Variants in PTPN21 observed in about 807,000 individuals in gnomAD.
PTPN21 encodes the protein tyrosine-protein phosphatase non-receptor type 21.
Under a neutral mutation model 131.8 loss-of-function variants are expected in PTPN21, and 77 were observed. The ratio of observed to expected loss-of-function variants is 0.58; its 90% confidence interval spans 0.49 to 0.71. The LOEUF (loss-of-function observed/expected upper bound fraction) is 0.71. PTPN21 is among the 30% of genes least tolerant of loss of function. The pLI is 0.00. For synonymous variants in PTPN21, 715 were observed against 621.3 expected, an observed-to-expected ratio of 1.15 and a Z score of -2.24; for missense variants, 1,552 against 1,527.1, an observed-to-expected ratio of 1.02 and a Z score of -0.27.
At chr14:88,553,160 A>G (rs995866293) in intron 1 of PTPN21, among the ~76,000 whole-genome samples, 8 of 152,316 alleles carry the variant, frequency 5.3e-5, no homozygotes, top group African/African-American at 1.9e-4. Flanking sequence ...AAAACTTTCA[A>G]TTGTCCCTCA....
chr14:88,524,956 T>C (rs960234659), intron 2 of PTPN21, among the ~76,000 whole-genome samples: 3 of 151,670 alleles, frequency 2.0e-5, no homozygotes, highest in African/African-American at 4.8e-5. Context: ...AAAAAAACCA[T>C]ATCAGGCTAG....
At chr14:88,492,478 C>T (rs548295641) in intron 10 of PTPN21, among the ~76,000 whole-genome samples, 1 of 152,130 alleles carries the variant, frequency 6.6e-6, no homozygotes, top group Admixed American at 6.6e-5. Context: ...TCAGTGCTTA[C>T]GAAAATCCCA....
In PTPN21 at chr14:88,478,913, G is replaced by A; in HGVS notation, c.2511+7C>T. ...CCTGGCCCGGCACTGCTCGCCGCGT[G>A]GCTTACCCCTAGAGGCGGGAGCCCT... On this transcript the variant is annotated splice_region_variant and intron_variant, in intron 13 of 18. Transcript: ENST00000556564. The A allele has an allele frequency of 6.8e-7, 1 of 1,471,666 alleles. No individual in the cohort carries two copies. The highest frequency in any genetic ancestry group is 9.0e-7 in the Non-Finnish European group (1 of 1,112,648). 91.2% of individuals were successfully genotyped at this position (1,471,666 alleles called of 1,614,324 possible). A position where few individuals can be genotyped will look rare whatever the true frequency, so the allele number is the denominator to read the frequency against.
chr14:88,532,324 C>T (rs2078566327), intron 2 of PTPN21, among the ~76,000 whole-genome samples: 1 of 151,546 alleles, frequency 6.6e-6, no homozygotes, highest in African/African-American at 2.4e-5. Flanking sequence ...ATATTTTCAG[C>T]TCTATTTTAA....
At chr14:88,519,325 A>C (rs2078353430) in intron 2 of PTPN21, among the ~76,000 whole-genome samples, 1 of 152,238 alleles carries the variant, frequency 6.6e-6, no homozygotes, top group African/African-American at 2.4e-5. Flanking sequence ...ACTTAGTGTG[A>C]TGATGGAAAT....
At chr14:88,516,064 A>G (rs369348099) in intron 3 of PTPN21, among the ~76,000 whole-genome samples, 3 of 152,320 alleles carry the variant, frequency 2.0e-5, no homozygotes, top group East Asian at 3.9e-4. Context: ...GGTTCTTACT[A>G]TCTGCAAGGC....
intron 2 of PTPN21, among the ~76,000 whole-genome samples, chr14:88,541,646 G>T (rs1566852711): frequency 6.6e-6 from 1 of 152,190 alleles, no homozygotes; most frequent in Non-Finnish European, 1.5e-5. Flanking sequence ...CCTGAGAGGG[G>T]CTTTTTCCTT....
chr14:88,551,364 CCT>C (rs2078865545), intron 1 of PTPN21: 1 of 152,400 alleles, frequency 6.6e-6, no homozygotes, highest in African/African-American at 2.4e-5. Context: ...TCCACGCCAT[CCT>C]GAGTTAATGA....
chr14:88,496,298 G>C, intron 10 of PTPN21, 115 bp downstream of exon 10: 2 of 914,066 alleles, frequency 2.2e-6, no homozygotes, highest in Non-Finnish European at 3.4e-6. Flanking sequence ...AACAGCTATA[G>C]GATCAAGAAA....
intron 10 of PTPN21, among the ~76,000 whole-genome samples, chr14:88,495,576 C>T (rs1432011335): frequency 1.3e-5 from 2 of 152,176 alleles, no homozygotes; most frequent in Non-Finnish European, 2.9e-5. Context: ...AGGAGAATCA[C>T]TTGAACCGGG....
intron 2 of PTPN21, among the ~76,000 whole-genome samples, chr14:88,532,017 A>G (rs2078561174): frequency 6.6e-6 from 1 of 152,138 alleles, no homozygotes. Context: ...GATGGATAAA[A>G]TCCTGGAAAT....
At chr14:88,532,742 G>T (rs2078571946) in intron 2 of PTPN21, among the ~76,000 whole-genome samples, 1 of 152,100 alleles carries the variant, frequency 6.6e-6, no homozygotes, top group Non-Finnish European at 1.5e-5. Flanking sequence ...GCAGTAGAGG[G>T]AAGTGATGGG....
intron 2 of PTPN21, among the ~76,000 whole-genome samples, chr14:88,519,571 A>C (rs1020603963): frequency 1.3e-5 from 2 of 152,244 alleles, no homozygotes; most frequent in Non-Finnish European, 2.9e-5. Context: ...CAAGTAAAAA[A>C]TAAAACTTTA....
In PTPN21 at chr14:88,517,216, G is replaced by C; in HGVS notation, c.226C>G (p.Arg76Gly). The change falls in exon 3 of 19, where the codon CGG becomes GGG. Residue 76 changes from arginine to glycine, a missense_variant. By Grantham distance (125) the Arg-to-Gly change is moderately radical (BLOSUM62 -2). Around this residue, in one of 4 missense-constraint regions of PTPN21, gnomAD observed 206 missense variants for 221.6 expected, o/e 0.93. Coordinates refer to ENST00000556564, the MANE Select transcript of PTPN21 (RefSeq NM_007039.4). ...LWYYNKQNQRRWVDLEKPLKK... is the reference protein window; with the variant it reads ...LWYYNKQNQRGWVDLEKPLKK... Reference sequence around the variant, plus strand: ...AAAGGTTTTTCCAAATCTACCCACCGGCGCTGATTTTGCTTGTTGTAGTAC... The same window carrying C: ...AAAGGTTTTTCCAAATCTACCCACCCGCGCTGATTTTGCTTGTTGTAGTAC... 6.2e-7 allele frequency: 1 copy of C among 1,614,010 alleles called. No individual in the cohort carries two copies.
chr14:88,506,817 G>A (rs1036673774), intron 4 of PTPN21, among the ~76,000 whole-genome samples: 1 of 152,040 alleles, frequency 6.6e-6, no homozygotes, highest in Non-Finnish European at 1.5e-5. Flanking sequence ...TGAGGCAGGT[G>A]GATCACCTGA....
chr14:88,473,607 C>G, intron 14 of PTPN21, 58 bp downstream of exon 14: 1 of 1,551,808 alleles, frequency 6.4e-7, no homozygotes, highest in Admixed American at 2.2e-5. Flanking sequence ...AAGGCATTTG[C>G]GTAGTATTTA....
intron 2 of PTPN21, 50 bp from the exon 3 acceptor site, chr14:88,517,311 TCA>T (rs1300546064): frequency 1.3e-6 from 2 of 1,580,628 alleles, no homozygotes; most frequent in Non-Finnish European, 1.7e-6. Flanking sequence ...CAAAAGGATT[TCA>T]ATGACTTCAG....
At chr14:88,503,027 A>G (rs1302396186) in intron 6 of PTPN21, among the ~76,000 whole-genome samples, 1 of 151,546 alleles carries the variant, frequency 6.6e-6, no homozygotes, top group Non-Finnish European at 1.5e-5. Context: ...CACCTCTACC[A>G]CACGTAGAGG....
intron 10 of PTPN21, chr14:88,493,256 TAA>T: frequency 3.0e-6 from 1 of 328,602 alleles, no homozygotes; most frequent in South Asian, 2.4e-5. Context: ...GTCATTGTTA[TAA>T]AAGAGGTAGA....
Sources: gnomAD v4.1 joint callset for allele counts (sites outside exome capture counted in the v4.1 genomes callset) on GRCh38, gnomAD v4.1.1 for gene constraint, gnomAD v4.1.1 regional missense constraint, MANE v1.5 for transcripts, NCBI Gene and HGNC (gene_info 2026-07-23, HGNC 2026-07-21) for gene names.